Variants in KIAA0930 observed in about 807,000 individuals in gnomAD.
The protein encoded by KIAA0930 is uncharacterized protein KIAA0930.
Under a neutral mutation model 43.9 loss-of-function variants are expected in KIAA0930, and 24 were observed. The ratio of observed to expected loss-of-function variants is 0.55; its 90% CI spans 0.40 to 0.77. The LOEUF (loss-of-function observed/expected upper bound fraction) is 0.77, where lower values mean the gene tolerates loss of function less well. KIAA0930 is among the 30% of genes least tolerant of loss of function. KIAA0930 has a pLI of 0.00. For synonymous variants in KIAA0930, 259 were observed against 216.4 expected (o/e 1.20, Z -1.73); for missense variants, 461 against 574.2 (o/e 0.80, Z 2.02).
chr22:45,205,327 A>G lies in KIAA0930; in HGVS notation c.415-9T>C. 6.2e-7 allele frequency: 1 copy of G among 1,612,846 alleles called. No homozygotes were observed. Among genetic ancestry groups the G allele is most frequent in the East Asian group, 2.2e-5 (1 of 44,878 alleles). On this transcript the variant is annotated splice_polypyrimidine_tract_variant and intron_variant, in intron 4 of 9. Transcript: ENST00000336156. ...GGGGACGCGAACACTTGCTGGAAGA[A>G]AGCAGATTTGGAGGACAAGTGAGGC...
rs141164594 is a variant in KIAA0930 at position 45,203,906 on chromosome 22, T to C, written c.596A>G (p.Gln199Arg). ...GATGGAGCCCTGAAAGATGACCCCC[T>C]GGAACGTGTTGGTTTTGTCACTAGC... is the stretch of plus-strand genomic sequence containing the variant. Reference protein sequence around the residue: ...LVASDKTNTFQGVIFQGSIRY... With the variant: ...LVASDKTNTFRGVIFQGSIRY... Residue 199 changes from glutamine to arginine, a missense_variant, in exon 6 of 10, where the codon CAG (glutamine) becomes CGG (arginine). Coordinates refer to ENST00000336156, the MANE Select transcript of KIAA0930 (RefSeq NM_001009880.2). 6.2e-4 allele frequency: 998 copies of C among 1,613,888 alleles called. 1 individual carries two copies. Among genetic ancestry groups the C allele is most frequent in the Non-Finnish European group, 7.1e-4 (835 of 1,179,964 alleles).
chr22:45,240,254 G>A (rs1373754859), intron 1 of KIAA0930, among the ~76,000 whole-genome samples: 1 of 152,270 alleles, frequency 6.6e-6, no homozygotes, highest in Admixed American at 6.5e-5. Context: ...GGCTAAGGGT[G>A]TACCCAGATC....
chr22:45,205,769 A>AGGGG, intron 3 of KIAA0930, 24 bp downstream of exon 3: 60 of 1,545,768 alleles, frequency 3.9e-5, no homozygotes, highest in Non-Finnish European at 4.7e-5. Flanking sequence ...GCCAATCCGC[A>AGGGG]GCCCCACCCA....
At chr22:45,229,479 T>G (rs1271848340) in intron 1 of KIAA0930, among the ~76,000 whole-genome samples, 1 of 150,924 alleles carries the variant, frequency 6.6e-6, no homozygotes, top group African/African-American at 2.4e-5. Flanking sequence ...GGAGCTCAGG[T>G]GGGAGAGGGA....
chr22:45,196,936 T>C lies in KIAA0930; in HGVS notation c.*240A>G. 1 of 446,166 alleles carries C rather than the reference T, an allele frequency of 2.2e-6. No homozygotes were observed. Among genetic ancestry groups the C allele is most frequent in the East Asian group, 3.8e-5 (1 of 26,356 alleles). 27.6% of individuals were successfully genotyped at this position (446,166 alleles called of 1,614,324 possible). A position where few individuals can be genotyped will look rare whatever the true frequency, so the allele number is the denominator to read the frequency against. On this transcript the variant is annotated 3_prime_UTR_variant, in exon 10 of 10. Transcript: ENST00000336156. The surrounding 1 kb of genome is among the most constrained non-coding windows in gnomAD (Gnocchi z 4.1). Reference sequence around the variant, plus strand: ...GTGCAGAGGGCTCTCCAGAGATGGGTGGGGGGCGATGGGCGGGGGGCACAG... The same window carrying C: ...GTGCAGAGGGCTCTCCAGAGATGGGCGGGGGGCGATGGGCGGGGGGCACAG...
At chr22:45,206,701 ATT>A (rs55641702) in intron 2 of KIAA0930, among the ~76,000 whole-genome samples, 37 of 146,248 alleles carry the variant, frequency 2.5e-4, no homozygotes, top group South Asian at 4.3e-4. Context: ...CTGGCTTCCA[ATT>A]TTTTTTTTTT....
At chr22:45,211,185 G>A (rs1157611483) in intron 2 of KIAA0930, 5 of 378,114 alleles carry the variant, frequency 1.3e-5, no homozygotes, top group Non-Finnish European at 1.9e-5. Flanking sequence ...CGGAGTTACA[G>A]AGCCAGGCAG....
chr22:45,217,948 G>GGA (rs2083743720), intron 1 of KIAA0930, among the ~76,000 whole-genome samples: 1 of 152,160 alleles, frequency 6.6e-6, no homozygotes, highest in African/African-American at 2.4e-5. Context: ...GACTAGCAGG[G>GGA]GAGAGGGCGC....
At chr22:45,228,431 A>G (rs886234064) in intron 1 of KIAA0930, among the ~76,000 whole-genome samples, 2 of 152,148 alleles carry the variant, frequency 1.3e-5, no homozygotes, top group East Asian at 1.9e-4. Flanking sequence ...AGCAGCCTCC[A>G]TGACACGCTC....
chr22:45,229,363 T>C (rs113389890), intron 1 of KIAA0930, among the ~76,000 whole-genome samples: 987 of 24,950 alleles, frequency 0.04, no homozygotes, highest in Non-Finnish European at 0.052. Context: ...CACTCCCCCA[T>C]CACCAAACGC....
intron 9 of KIAA0930, 50 bp from the exon 10 acceptor site, chr22:45,197,266 T>C (rs2083545556): frequency 2.0e-6 from 3 of 1,513,390 alleles, no homozygotes; most frequent in Non-Finnish European, 1.8e-6. Flanking sequence ...TCAACAGCGG[T>C]GAGTGCTATG....
At chr22:45,223,549 C>G (rs2083779998) in intron 1 of KIAA0930, among the ~76,000 whole-genome samples, 3 of 152,102 alleles carry the variant, frequency 2.0e-5, no homozygotes, top group Admixed American at 2.0e-4. Flanking sequence ...TAAAATTGTG[C>G]TGGCACCGAG....
intron 7 of KIAA0930, among the ~76,000 whole-genome samples, chr22:45,200,558 T>C (rs921304283): frequency 6.6e-6 from 1 of 152,120 alleles, no homozygotes; most frequent in Non-Finnish European, 1.5e-5. Flanking sequence ...TCATCCTACT[T>C]CTCAGGGCTG....
chr22:45,217,936 G>C (rs545943061), intron 1 of KIAA0930, among the ~76,000 whole-genome samples: 109 of 152,298 alleles, frequency 7.2e-4, no homozygotes, highest in Middle Eastern at 3.4e-3. Context: ...AGTGACTCCA[G>C]GGACTAGCAG....
At chr22:45,229,048 C>T (rs2083829700) in intron 1 of KIAA0930, among the ~76,000 whole-genome samples, 1 of 89,670 alleles carries the variant, frequency 1.1e-5, no homozygotes, top group East Asian at 3.6e-4. Context: ...CACCCCCCCA[C>T]CACCAAACAC....
intron 4 of KIAA0930, 48 bp downstream of exon 4, chr22:45,205,582 G>A: frequency 6.4e-7 from 1 of 1,570,112 alleles, no homozygotes; most frequent in Non-Finnish European, 8.8e-7. Flanking sequence ...GCCACGCCCA[G>A]CCTGAACTGG....
At chr22:45,229,172 C>A (rs187448394) in intron 1 of KIAA0930, among the ~76,000 whole-genome samples, 1 of 17,118 alleles carries the variant, frequency 5.8e-5, no homozygotes, top group East Asian at 2.7e-3. Context: ...ACCCCCGGCA[C>A]CACCAGTCAC....
At chr22:45,208,988 C>T (rs1056998440) in intron 2 of KIAA0930, among the ~76,000 whole-genome samples, 1 of 152,218 alleles carries the variant, frequency 6.6e-6, no homozygotes, top group Non-Finnish European at 1.5e-5. Flanking sequence ...CAATGGGCTG[C>T]CCAGGAACAC....
At chr22:45,198,902 C>T (rs1423373919) in intron 8 of KIAA0930, among the ~76,000 whole-genome samples, 3 of 152,204 alleles carry the variant, frequency 2.0e-5, no homozygotes, top group Non-Finnish European at 2.9e-5. Context: ...CCACCCGCCT[C>T]GGTCTCGCTA....
Sources: gnomAD v4.1 joint callset for allele counts (sites outside exome capture counted in the v4.1 genomes callset) on GRCh38, gnomAD v4.1.1 for gene constraint, Gnocchi (gnomAD v3.1) non-coding constraint, MANE v1.5 for transcripts, NCBI Gene and HGNC (gene_info 2026-07-23, HGNC 2026-07-21) for gene names.